The following TICRR variants were observed in gnomAD, a reference collection of about 807,000 sequenced individuals.
TICRR encodes the protein TOPBP1 interacting checkpoint and replication regulator.
A neutral mutation model predicts 178.1 loss-of-function variants in TICRR; 132 were observed. That is an observed-to-expected ratio of 0.74 (90% CI 0.64 to 0.86). The LOEUF (loss-of-function observed/expected upper bound fraction) is 0.86, where lower values mean the gene tolerates loss of function less well. TICRR is among the 40% of genes least tolerant of loss of function. The probability of loss-of-function intolerance (pLI) is 0.00; values close to 1 mark genes in which losing one functional copy is unlikely to be tolerated. For missense variants in TICRR, 2,587 were observed against 2,334.3 expected (o/e 1.11, Z -2.23); for synonymous variants, 991 against 900.7 (o/e 1.10, Z -1.79).
At chr15:89,605,520 T>TCGGGA (rs1963162144) in intron 13 of TICRR, among the ~76,000 whole-genome samples, 1 of 152,130 alleles carries the variant, frequency 6.6e-6, no homozygotes, top group Non-Finnish European at 1.5e-5. Context: ...CCACCACGCC[T>TCGGGA]GGCTACTTTT....
rs751133599 is a variant in TICRR at position 89,601,541 on chromosome 15, C to T, written c.2300C>T (p.Ala767Val). ...VCLTEDSAYL[A>V]EFLEEILRLY... ...TTAACTGAGGATTCAGCGTACCTAGCAGAGTTTCTGGAGGAAATTTTGAGA... is the reference window on the plus strand; with the variant it reads ...TTAACTGAGGATTCAGCGTACCTAGTAGAGTTTCTGGAGGAAATTTTGAGA... The change falls in exon 11 of 22, where the codon GCA (alanine) becomes GTA (valine). Residue 767 changes from alanine (A) to valine (V), a missense_variant. Ala to Val is a moderately conservative substitution (Grantham distance 64, BLOSUM62 0). Transcript: ENST00000268138. The T allele has an allele frequency of 1.2e-6, 2 of 1,614,172 alleles. No homozygotes were observed. Among genetic ancestry groups the T allele is most frequent in the South Asian group, 1.1e-5 (1 of 91,080 alleles).
Position 89,619,839 on chromosome 15 carries a change from T to C in TICRR, c.3151T>C (p.Ser1051Pro). 1 of 1,610,330 alleles carries C rather than the reference T, an allele frequency of 6.2e-7. No homozygotes were observed. Residue 1051 changes from serine (S) to proline (P), a missense_variant, in exon 18 of 22, where the codon TCA becomes CCA. Ser to Pro is a moderately conservative substitution (Grantham distance 74). Transcript: ENST00000268138. The stretch of plus-strand genomic sequence containing the variant: ...AGTCCACTCTTTCCAGCAAGATAAG[T>C]CAGGTAACATACGGGCCCCTCTGCC... ...QRVHSFQQDK[S>P]DQRENSPVQS...
intron 4 of TICRR, among the ~76,000 whole-genome samples, chr15:89,588,186 A>C (rs751516222): frequency 4.6e-5 from 7 of 152,096 alleles, no homozygotes; most frequent in Non-Finnish European, 1.0e-4. Context: ...ATGAAGACTT[A>C]AGGAGATGCT....
At position 89,627,293 on chromosome 15, in the gene TICRR, G is replaced by A; in HGVS notation, c.*207G>A. On this transcript the variant is annotated 3_prime_UTR_variant, in exon 22 of 22. Coordinates refer to ENST00000268138, the MANE Select transcript of TICRR (RefSeq NM_152259.4). ...TTGGGGAAGTTGCAGGAGGAGAGGTGGATGGCAATGTGATTGGTGCTATAA... is the reference window on the plus strand; with the variant it reads ...TTGGGGAAGTTGCAGGAGGAGAGGTAGATGGCAATGTGATTGGTGCTATAA... 1 of 604,916 alleles carries A rather than the reference G, an allele frequency of 1.7e-6. No homozygotes were observed. The highest frequency in any genetic ancestry group is 2.8e-6 in the Non-Finnish European group (1 of 355,234). The allele number at this position is 604,916 out of a possible 1,614,324, so 37.5% of individuals were successfully genotyped here.
chr15:89,579,771 C>G (rs979861140), intron 1 of TICRR: 1 of 152,160 alleles, frequency 6.6e-6, no homozygotes, highest in Non-Finnish European at 1.5e-5. Context: ...TGAGCCTCAT[C>G]GCCCTGCTTT....
In TICRR at chr15:89,575,762, C is replaced by T. The variant is rs866073219; in HGVS notation, c.176C>T (p.Pro59Leu). ...FFDSQGARSRPSRVSDFRELG... is the reference protein window; with the variant it reads ...FFDSQGARSRLSRVSDFRELG... ...GACTCGCAGGGGGCGCGGAGCCGGC[C>T]GTCCCGCGTGTCTGACTTCCGCGAG... Residue 59 changes from proline to leucine, a missense_variant, in exon 1 of 22, where the codon CCG becomes CTG. Pro to Leu is a moderately conservative substitution (Grantham distance 98). Transcript: ENST00000268138. 3.7e-6 allele frequency: 6 copies of T among 1,609,202 alleles called. No homozygotes were observed. The African/African-American group carries it at 4.0e-5, about 11-fold the overall frequency.
chr15:89,584,138 C>A, intron 2 of TICRR, 148 bp from the exon 3 acceptor site: 1 of 764,968 alleles, frequency 1.3e-6, no homozygotes, highest in Non-Finnish European at 2.0e-6. Flanking sequence ...TTGAAGTGTT[C>A]AACTAAGTGA....
intron 4 of TICRR, among the ~76,000 whole-genome samples, chr15:89,588,198 G>T (rs1294409528): frequency 6.6e-6 from 1 of 152,166 alleles, no homozygotes; most frequent in Admixed American, 6.5e-5. Context: ...GGAGATGCTG[G>T]AGGCTGAGGA....
chr15:89,578,545 A>G (rs915917663), intron 1 of TICRR, among the ~76,000 whole-genome samples: 1 of 152,330 alleles, frequency 6.6e-6, no homozygotes, highest in East Asian at 1.9e-4. Context: ...CACATCAAAG[A>G]CTTTCTTCTG....
In TICRR at chr15:89,600,667, A is replaced by G; in HGVS notation, c.2135A>G (p.Lys712Arg). The G allele has an allele frequency of 6.4e-7, 1 of 1,565,680 alleles. No homozygotes were observed. Among genetic ancestry groups the G allele is most frequent in the Non-Finnish European group, 8.7e-7 (1 of 1,144,538 alleles). Reference sequence around the variant, plus strand: ...CAGAATCTAGGAAAAAAACTGGATAAGGAAGACAAAGTTAGAGAGTAAGTA... The same window carrying G: ...CAGAATCTAGGAAAAAAACTGGATAGGGAAGACAAAGTTAGAGAGTAAGTA... ...LRQNLGKKLD[K>R]EDKVRECQLQ... Residue 712 changes from lysine (K) to arginine (R), a missense_variant, in exon 9 of 22, where the codon AAG becomes AGG. Lys to Arg is a conservative substitution (Grantham distance 26, BLOSUM62 2). Transcript: ENST00000268138.
intron 1 of TICRR, among the ~76,000 whole-genome samples, chr15:89,580,902 C>T (rs1363020901): frequency 6.6e-6 from 1 of 152,164 alleles, no homozygotes; most frequent in Non-Finnish European, 1.5e-5. Context: ...TGTGGTGGCA[C>T]ATGCCTGTAC....
chr15:89,613,770 T>G (rs1298457674), intron 15 of TICRR, among the ~76,000 whole-genome samples: 3 of 148,804 alleles, frequency 2.0e-5, no homozygotes, highest in Non-Finnish European at 4.5e-5. Flanking sequence ...TCTGTTGATA[T>G]TCTCTGTTTG....
chr15:89,618,313 A>G, intron 17 of TICRR, 103 bp downstream of exon 17: 1 of 1,059,780 alleles, frequency 9.4e-7, no homozygotes. Flanking sequence ...TTTTACAGAA[A>G]TTGTGATGGC....
At chr15:89,600,558 T>C (rs769361416) in intron 8 of TICRR, 27 bp from the exon 9 acceptor site, 4 of 1,081,644 alleles carry the variant, frequency 3.7e-6, no homozygotes, top group Non-Finnish European at 4.1e-6. Flanking sequence ...AACACTATTC[T>C]CCTATGTAAT....
Position 89,617,689 on chromosome 15 carries a change from C to CTTTT in TICRR, c.2961-445_2961-442dup, listed in dbSNP as rs35732953. Among the ~76,000 whole-genome samples, 9 of 98,760 alleles carry CTTTT rather than the reference C, an allele frequency of 9.1e-5. 1 individual carries two copies. The highest frequency in any genetic ancestry group is 2.3e-4 in the African/African-American group (6 of 26,228). 64.8% of individuals were successfully genotyped at this position (98,760 alleles called of 152,430 possible). A position where few individuals can be genotyped will look rare whatever the true frequency, so the allele number is the denominator to read the frequency against. ...GGTGTGTGCCACTGCACCCAGCTAT[C>CTTTT]TTTTTTTTTTTTTTTTTTTTTGAGA... On this transcript the variant is annotated intron_variant, in intron 16 of 21. Coordinates refer to ENST00000268138, the MANE Select transcript of TICRR (RefSeq NM_152259.4).
At chr15:89,606,062 G>A (rs915280126) in intron 13 of TICRR, among the ~76,000 whole-genome samples, 10 of 152,152 alleles carry the variant, frequency 6.6e-5, no homozygotes, top group Non-Finnish European at 1.2e-4. Flanking sequence ...AAGTTAGGGT[G>A]TTCCTTCTCC....
chr15:89,615,424 A>G (rs960090585), intron 15 of TICRR, among the ~76,000 whole-genome samples: 1 of 152,218 alleles, frequency 6.6e-6, no homozygotes, highest in Non-Finnish European at 1.5e-5. Context: ...AAGCTACCGT[A>G]GGGCTAGGGG....
At position 89,601,479 on chromosome 15, in the gene TICRR, TCTC is replaced by T; in HGVS notation, c.2248-7_2248-5del. Reference sequence around the variant, plus strand: ...GCATCTATATAGTAACGTTCTAAAATCTCCTTCAGGTGACAGATTTGCTGCGCA... The same window carrying T: ...GCATCTATATAGTAACGTTCTAAAATCTTCAGGTGACAGATTTGCTGCGCA... On this transcript the variant is annotated splice_polypyrimidine_tract_variant and splice_region_variant and intron_variant, in intron 10 of 21. Coordinates refer to ENST00000268138, the MANE Select transcript of TICRR (RefSeq NM_152259.4). 1 of 1,614,142 alleles carries T rather than the reference TCTC, an allele frequency of 6.2e-7. No homozygotes were observed. Among genetic ancestry groups the T allele is most frequent in the South Asian group, 1.1e-5 (1 of 91,084 alleles).
Position 89,601,827 on chromosome 15 carries a change from A to C in TICRR, c.2418A>C (p.Thr806=). 1 of 1,614,140 alleles carries C rather than the reference A, an allele frequency of 6.2e-7. No individual in the cohort carries two copies. The highest frequency in any genetic ancestry group is 8.5e-7 in the Non-Finnish European group (1 of 1,180,026). The change falls in exon 12 of 22, where the codon ACA becomes ACC. Residue 806 remains threonine (T), a synonymous_variant. Transcript: ENST00000268138. ...AGAAGCTGGCTGGTGTCCTTCCTAC[A>C]GATTTTTTCAGTGATGACTCCATGA... ...IPQKLAGVLP[T]DFFSDDSMTQ...
Sources: allele counts gnomAD v4.1 joint callset (sites outside exome capture counted in the v4.1 genomes callset), GRCh38; gene constraint gnomAD v4.1.1; transcripts MANE v1.5; gene names NCBI Gene and HGNC (gene_info 2026-07-23, HGNC 2026-07-21).